Variants in CHD1L observed in about 807,000 individuals in gnomAD.
CHD1L encodes chromodomain helicase DNA binding protein 1 like.
In CHD1L, 118 loss-of-function variants were observed where a neutral mutation model predicts 115.9. The observed-to-expected ratio is 1.02, with a 90% CI of 0.88 to 1.19. CHD1L has a LOEUF of 1.19. Ranked by LOEUF, CHD1L falls within the 50% of genes most tolerant of loss-of-function variation. The pLI is 0.00. For synonymous variants in CHD1L, 411 were observed against 387.1 expected, an observed-to-expected ratio of 1.06 and a Z score of -0.72; for missense variants, 1,179 against 1,065.3, an observed-to-expected ratio of 1.11 and a Z score of -1.49.
Position 147,285,362 on chromosome 1 carries a change from G to C in CHD1L, c.1893G>C (p.Arg631Ser), listed in dbSNP as rs782474016. 5.6e-6 allele frequency: 9 copies of C among 1,613,844 alleles called. No individual in the cohort carries two copies. In the African/African-American group the frequency reaches 1.1e-4, roughly 19 times the overall value. Residue 631 changes from arginine (R) to serine (S), a missense_variant, in exon 17 of 23, where the codon AGG (arginine) becomes AGC (serine). Physicochemically the swap from Arg to Ser is moderately radical, Grantham distance 110. Coordinates refer to ENST00000369258, the MANE Select transcript of CHD1L (RefSeq NM_004284.6). ...IPGLVEGSTK[R>S]KRVLSPEELE... ...GCCTTGTGGAGGGATCTACCAAAAG[G>C]AAGCGGGTTCTGAGTCCAGAAGAGC... is the stretch of plus-strand genomic sequence containing the variant.
At chr1:147,268,752 A>T in intron 9 of CHD1L, 30 bp from the exon 10 acceptor site, 1 of 1,592,028 alleles carries the variant, frequency 6.3e-7, no homozygotes, top group Non-Finnish European at 8.6e-7. Flanking sequence ...CTGAGGGCAC[A>T]TTACTGGGAG....
chr1:147,253,301 T>A (rs587625721), intron 2 of CHD1L, among the ~76,000 whole-genome samples: 1 of 152,350 alleles, frequency 6.6e-6, no homozygotes, highest in South Asian at 2.1e-4. Context: ...AGATAAACTT[T>A]CTCTAAATTG....
the CHD1L span, among the ~76,000 whole-genome samples, chr1:147,233,988 A>T: frequency 6.6e-6 from 1 of 152,068 alleles, no homozygotes; most frequent in Admixed American, 6.5e-5. Flanking sequence ...GCCTAGGAAA[A>T]CCAGAGACCT....
At chr1:147,234,330 C>A in the CHD1L span, among the ~76,000 whole-genome samples, 1 of 152,224 alleles carries the variant, frequency 6.6e-6, no homozygotes, top group Admixed American at 6.5e-5. Context: ...CCCCCAGGAT[C>A]TGGTGTTGGG....
chr1:147,240,975 A>G (rs1016217326), upstream of CHD1L, among the ~76,000 whole-genome samples: 5 of 132,664 alleles, frequency 3.8e-5, no homozygotes, highest in Non-Finnish European at 6.3e-5. Flanking sequence ...TTCTTTCTCT[A>G]TACTTTGTCT....
chr1:147,252,847 C>T, intron 2 of CHD1L, 112 bp downstream of exon 2: 1 of 872,606 alleles, frequency 1.1e-6, no homozygotes, highest in South Asian at 1.6e-5. Flanking sequence ...ACAAATGTCC[C>T]TGGGATCCAG....
the CHD1L span, among the ~76,000 whole-genome samples, chr1:147,195,867 G>C: frequency 6.6e-6 from 1 of 152,024 alleles, no homozygotes; most frequent in Non-Finnish European, 1.5e-5. Context: ...AAACATCACT[G>C]GTGATGGGTA....
intron 15 of CHD1L, among the ~76,000 whole-genome samples, chr1:147,280,523 TATG>T (rs1203791508): frequency 6.6e-6 from 1 of 152,230 alleles, no homozygotes; most frequent in Non-Finnish European, 1.5e-5. Context: ...CCATCCTTGG[TATG>T]ATGCTTTGCA....
chr1:147,275,957 C>T (rs1678276434), intron 13 of CHD1L, 147 bp from the exon 14 acceptor site: 5 of 747,156 alleles, frequency 6.7e-6, no homozygotes, highest in Admixed American at 2.8e-5. Flanking sequence ...CTAACAAGTG[C>T]TCAGGACCAA....
chr1:147,270,888 A>C (rs782538495), intron 10 of CHD1L, 44 bp from the exon 11 acceptor site: 2 of 1,559,916 alleles, frequency 1.3e-6, no homozygotes, highest in Admixed American at 1.7e-5. Context: ...TTGACCTTAA[A>C]TACCACTAGA....
intron 12 of CHD1L, among the ~76,000 whole-genome samples, chr1:147,273,536 C>CA (rs1259666780): frequency 1.3e-5 from 2 of 152,200 alleles, no homozygotes; most frequent in African/African-American, 4.8e-5. Context: ...CATGGAGTCT[C>CA]AGCCATTTTC....
intron 5 of CHD1L, 62 bp from the exon 6 acceptor site, chr1:147,259,774 CT>C: frequency 5.7e-6 from 8 of 1,399,584 alleles, no homozygotes; most frequent in Non-Finnish European, 8.1e-6. Flanking sequence ...TGTAGTAAGA[CT>C]TTTGATTGTG....
the CHD1L span, among the ~76,000 whole-genome samples, chr1:147,233,630 C>G: frequency 2.0e-5 from 3 of 152,136 alleles, no homozygotes; most frequent in African/African-American, 7.2e-5. Flanking sequence ...GCCATGATGA[C>G]AATGGCGGTT....
chr1:147,271,074 G>A (rs145758654), intron 11 of CHD1L, 69 bp downstream of exon 11: 3 of 1,231,654 alleles, frequency 2.4e-6, no homozygotes, highest in South Asian at 2.5e-5. Flanking sequence ...GGTCCATGAA[G>A]AATAATATGG....
At chr1:147,242,484 G>A (rs1665010971), upstream of CHD1L, among the ~76,000 whole-genome samples, 1 of 152,240 alleles carries the variant, frequency 6.6e-6, no homozygotes, top group African/African-American at 2.4e-5. Flanking sequence ...AAGCACGACT[G>A]GTGAGAACTG....
At chr1:147,244,942 A>G (rs74121847) in intron 1 of CHD1L, among the ~76,000 whole-genome samples, 2,427 of 152,272 alleles carry the variant, frequency 0.016, 69 homozygotes, top group African/African-American at 0.056. Context: ...ACTCTCAGCA[A>G]CACTGGTATT....
At chr1:147,184,485 T>C in the CHD1L span, 1 of 1,519,658 alleles carries the variant, frequency 6.6e-7, no homozygotes, top group Non-Finnish European at 8.8e-7. This position sits in a 1 kb window ranked among gnomAD's most constrained non-coding sequence, Gnocchi z 4.4. Context: ...TACATTACAT[T>C]TAGATGTTAT....
the CHD1L span, among the ~76,000 whole-genome samples, chr1:147,234,518 G>T: frequency 6.6e-6 from 1 of 152,242 alleles, no homozygotes; most frequent in East Asian, 1.9e-4. Context: ...AGAACCTGTG[G>T]ATGTTATAAC....
At chr1:147,270,602 A>G (rs193224272) in intron 10 of CHD1L, among the ~76,000 whole-genome samples, 124 of 152,068 alleles carry the variant, frequency 8.2e-4, no homozygotes, top group African/African-American at 2.9e-3. Context: ...ATGAAAGCTT[A>G]TATTTCTTTC....
Sources: gnomAD v4.1 joint callset for allele counts (sites outside exome capture counted in the v4.1 genomes callset) on GRCh38, gnomAD v4.1.1 for gene constraint, Gnocchi (gnomAD v3.1) non-coding constraint, MANE v1.5 for transcripts, NCBI Gene and HGNC (gene_info 2026-07-23, HGNC 2026-07-21) for gene names.